ZEB2: variants seen among roughly 807,000 people sequenced by gnomAD.
ZEB2 encodes zinc finger E-box binding homeobox 2, also known as zinc finger E-box-binding homeobox 2.
ZEB2 carries 6 observed loss-of-function variants against 99.9 expected under a neutral mutation model. The ratio of observed to expected loss-of-function variants is 0.06; its 90% CI spans 0.03 to 0.12. The LOEUF is 0.12. Ranked by LOEUF, ZEB2 falls within the 10% of genes least tolerant of loss-of-function variation. The pLI is 1.00. For missense variants in ZEB2, 969 were observed against 1,502.8 expected (o/e 0.64, Z 5.87); for synonymous variants, 517 against 542.5 (o/e 0.95, Z 0.65).
At position 144,422,155 on chromosome 2, in the gene ZEB2, T is replaced by C. The variant is rs16823684; in HGVS notation, c.403+2641A>G. 8.5e-3 allele frequency among the ~76,000 whole-genome samples: 1,301 copies of C among 152,320 alleles called. 20 individuals carry two copies. Among genetic ancestry groups the C allele is most frequent in the African/African-American group, 0.03 (1,237 of 41,566 alleles). Reference sequence around the variant, plus strand: ...CCTGGATAACTACAGTGACTTCCAGTTGGTCTCTCAGAGTCTGGTTTTCAC... The same window carrying C: ...CCTGGATAACTACAGTGACTTCCAGCTGGTCTCTCAGAGTCTGGTTTTCAC... On this transcript the variant is annotated intron_variant, in intron 4 of 9. Transcript: ENST00000627532.
intron 9 of ZEB2, among the ~76,000 whole-genome samples, chr2:144,392,572 C>T (rs1029784383): frequency 6.6e-6 from 1 of 152,312 alleles, no homozygotes; most frequent in Non-Finnish European, 1.5e-5. Flanking sequence ...TGATACCATG[C>T]AAAGGATAGA....
chr2:144,513,181 C>T (rs780624205), intron 2 of ZEB2: 15 of 1,286,706 alleles, frequency 1.2e-5, no homozygotes, highest in South Asian at 6.2e-5. Flanking sequence ...GCAACTTCTC[C>T]GTCCCTCATT....
At position 144,389,053 on chromosome 2, in the gene ZEB2, A is replaced by T; in HGVS notation, c.*398T>A. 2 of 452,250 alleles carry T rather than the reference A, an allele frequency of 4.4e-6. No homozygotes were observed. Among genetic ancestry groups the T allele is most frequent in the Non-Finnish European group, 7.8e-6 (2 of 255,070 alleles). 28.0% of individuals were successfully genotyped at this position (452,250 alleles called of 1,614,324 possible). ...AAGGAATAACAATAATAATAATAAA[A>T]ATACTGATGTATGGTAGTGCGGGCA... On this transcript the variant is annotated 3_prime_UTR_variant, in exon 10 of 10. Transcript: ENST00000627532. This position sits in a 1 kb window ranked among gnomAD's most constrained non-coding sequence, Gnocchi z 6.8.
intron 2 of ZEB2, among the ~76,000 whole-genome samples, chr2:144,453,650 T>C (rs558501008): frequency 6.6e-6 from 1 of 152,298 alleles, no homozygotes; most frequent in Non-Finnish European, 1.5e-5. Flanking sequence ...GATTACCTGA[T>C]GTCTGTGTGA....
chr2:144,519,804 T>G, intron 1 of ZEB2, 135 bp downstream of exon 1: 1 of 360,116 alleles, frequency 2.8e-6, no homozygotes, highest in Non-Finnish European at 5.4e-6. Flanking sequence ...CCACCTGAAA[T>G]TCCTACCCAC....
chr2:144,410,198 C>T (rs1560611920), intron 4 of ZEB2, among the ~76,000 whole-genome samples: 2 of 152,118 alleles, frequency 1.3e-5, no homozygotes, highest in African/African-American at 2.4e-5. Context: ...CGTGAGCCAC[C>T]GCGCCCAGCC....
chr2:144,404,178 A>C, intron 5 of ZEB2, 48 bp from the exon 6 acceptor site: 1 of 1,602,400 alleles, frequency 6.2e-7, no homozygotes, highest in Non-Finnish European at 8.5e-7. Context: ...AAAGGTCAGT[A>C]AATCAATGGC....
chr2:144,389,627 C>G lies in ZEB2; in HGVS notation c.3469G>C (p.Asp1157His). The G allele has an allele frequency of 1.2e-6, 2 of 1,614,096 alleles. No individual in the cohort carries two copies. Among genetic ancestry groups the G allele is most frequent in the Non-Finnish European group, 1.7e-6 (2 of 1,180,026 alleles). ...GYGKLGRQDG[D>H]EEFEEEEEES... ...TCCTCTTCCTCCTCGAACTCCTCGT[C>G]GCCATCCTGTCTGCCCAGCTTCCCG... Residue 1157 changes from aspartate (D) to histidine (H), a missense_variant, in exon 10 of 10, where the codon GAC (aspartate) becomes CAC (histidine). Asp to His is a moderately conservative substitution (Grantham distance 81). Coordinates refer to ENST00000627532, the MANE Select transcript of ZEB2 (RefSeq NM_014795.4). The surrounding 1 kb of genome is among the most constrained non-coding windows in gnomAD (Gnocchi z 6.8).
chr2:144,513,571 T>C, intron 2 of ZEB2: 1 of 1,529,300 alleles, frequency 6.5e-7, no homozygotes, highest in Non-Finnish European at 8.7e-7. Context: ...ACAACGTGCA[T>C]GTCTCTGTGA....
chr2:144,450,489 A>C (rs2149899519), intron 2 of ZEB2: 1 of 152,322 alleles, frequency 6.6e-6, no homozygotes, highest in Non-Finnish European at 1.5e-5. Flanking sequence ...ACTCTGATTT[A>C]GAATAATGCA....
chr2:144,468,223 T>TC (rs1348715482), intron 2 of ZEB2, among the ~76,000 whole-genome samples: 5 of 152,102 alleles, frequency 3.3e-5, no homozygotes, highest in Non-Finnish European at 7.4e-5. Flanking sequence ...GAAGCTCGAT[T>TC]CCATTTATAG....
In ZEB2 at chr2:144,479,683, TGG is replaced by T. The variant is rs75706490; in HGVS notation, c.73+37593_73+37594del. The stretch of plus-strand genomic sequence containing the variant: ...AGTGAGTGTGTATGCTACTTTTTTT[TGG>T]GGGGGGGGGCGGGGGGTGGACTTTG... On this transcript the variant is annotated intron_variant, in intron 2 of 9. Transcript: ENST00000627532. 2.7e-4 allele frequency among the ~76,000 whole-genome samples: 14 copies of T among 52,594 alleles called. No homozygotes were observed. The South Asian group carries it at 8.0e-3, about 30-fold the overall frequency. The allele number at this position is 52,594 out of a possible 152,430, so 34.5% of individuals were successfully genotyped here. A position where few individuals can be genotyped will look rare whatever the true frequency, so the allele number is the denominator to read the frequency against.
chr2:144,449,449 C>A (rs912324186), intron 2 of ZEB2, among the ~76,000 whole-genome samples: 5 of 152,198 alleles, frequency 3.3e-5, no homozygotes, highest in Non-Finnish European at 7.3e-5. Context: ...CACCCCTCAT[C>A]CCTAAAAAAC....
At chr2:144,515,492 C>T (rs1285888031) in intron 2 of ZEB2, among the ~76,000 whole-genome samples, 2 of 150,246 alleles carry the variant, frequency 1.3e-5, no homozygotes, top group African/African-American at 4.9e-5. Context: ...ATGCCAGACA[C>T]CAGAGTGAAA....
chr2:144,398,572 G>A lies in ZEB2; in HGVS notation c.2615C>T (p.Ser872Leu), dbSNP rs1482981133. ...AGTGCTTTTGTTGTCCAGATTATTT[G>A]AATTTGAAAATTCCTTCTTGATAAA... ...LTFIKKEFSN[S>L]NNLDNKSTNP... Residue 872 changes from serine (S) to leucine (L), a missense_variant, in exon 8 of 10, where the codon TCA becomes TTA. Ser to Leu is a moderately radical substitution (Grantham distance 145). Around this residue, in one of 8 missense-constraint regions of ZEB2, gnomAD observed 346 missense variants for 460.0 expected, o/e 0.75. Coordinates refer to ENST00000627532, the MANE Select transcript of ZEB2 (RefSeq NM_014795.4). The A allele has an allele frequency of 1.9e-6, 3 of 1,614,024 alleles. No homozygotes were observed. The African/African-American group carries it at 4.0e-5, about 22-fold the overall frequency.
intron 2 of ZEB2, among the ~76,000 whole-genome samples, chr2:144,493,405 T>A (rs984280246): frequency 6.6e-6 from 1 of 152,210 alleles, no homozygotes; most frequent in Non-Finnish European, 1.5e-5. Context: ...TTTTAAGCAT[T>A]AAGAACCGAA....
At chr2:144,429,043 G>A (rs1448602092) in intron 3 of ZEB2, 2 of 152,190 alleles carry the variant, frequency 1.3e-5, no homozygotes, top group Admixed American at 6.5e-5. Context: ...ATACCTTAGC[G>A]ATTCTCCGTC....
intron 7 of ZEB2, 31 bp from the exon 8 acceptor site, chr2:144,400,301 T>C (rs377681618): frequency 1.1e-5 from 18 of 1,596,828 alleles, no homozygotes; most frequent in Non-Finnish European, 1.4e-5. Context: ...ACCGTTACAT[T>C]TCCTTGATTA....
At chr2:144,474,688 G>A (rs906520608) in intron 2 of ZEB2, among the ~76,000 whole-genome samples, 1 of 152,086 alleles carries the variant, frequency 6.6e-6, no homozygotes, top group African/African-American at 2.4e-5. Flanking sequence ...TGAGCCTGAG[G>A]ACTCTCTATT....
Sources: allele counts gnomAD v4.1 joint callset (sites outside exome capture counted in the v4.1 genomes callset), GRCh38; gene constraint gnomAD v4.1.1; regional missense constraint gnomAD v4.1.1; non-coding constraint Gnocchi (gnomAD v3.1); transcripts MANE v1.5; gene names NCBI Gene and HGNC (gene_info 2026-07-23, HGNC 2026-07-21).